YY1: variants seen among roughly 807,000 people sequenced by gnomAD.
YY1 encodes the protein transcriptional repressor protein YY1.
YY1 carries 2 observed loss-of-function variants against 35.6 expected under a neutral mutation model. That is an observed-to-expected ratio of 0.06 (90% CI 0.02 to 0.18). The LOEUF (loss-of-function observed/expected upper bound fraction) is 0.18, where lower values mean the gene tolerates loss of function less well. YY1 is among the 10% of genes least tolerant of loss of function. The pLI, the probability that YY1 is intolerant of heterozygous loss-of-function variation, is 1.00. For missense variants in YY1, 322 were observed against 573.4 expected, an observed-to-expected ratio of 0.56 and a Z score of 4.48; for synonymous variants, 268 against 238.9, an observed-to-expected ratio of 1.12 and a Z score of -1.12.
rs1311509617 is a variant in YY1, at chr14:100,281,372, C to T, written c.*3772C>T. On this transcript the variant is annotated 3_prime_UTR_variant, in exon 5 of 5. Transcript: ENST00000262238. ...GCCATGCCATGAGGCTTCCTCCCAG[C>T]TGCTCTGCTGGCTTGCTGAAGCCAG... The T allele has an allele frequency of 6.6e-6, 1 of 152,292 alleles. No individual in the cohort carries two copies. The highest frequency in any genetic ancestry group is 6.5e-5 in the Admixed American group (1 of 15,276). 9.4% of individuals were successfully genotyped at this position (152,292 alleles called of 1,614,324 possible). A position where few individuals can be genotyped will look rare whatever the true frequency, so the allele number is the denominator to read the frequency against.
Position 100,277,620 on chromosome 14 carries a change from TC to T in YY1, c.*21del. 1 of 1,612,984 alleles carries T rather than the reference TC, an allele frequency of 6.2e-7. No homozygotes were observed. The highest frequency in any genetic ancestry group is 8.5e-7 in the Non-Finnish European group (1 of 1,179,092). ...CAGTGAAAAGAAGAGAGAAGACCCT[TC>T]TCGACCACGGGAAGCATCTTCCAGA... On this transcript the variant is annotated 3_prime_UTR_variant, in exon 5 of 5. Transcript: ENST00000262238. This position sits in a 1 kb window ranked among gnomAD's most constrained non-coding sequence, Gnocchi z 5.6.
intron 2 of YY1, among the ~76,000 whole-genome samples, chr14:100,263,329 G>A (rs1891110416): frequency 6.6e-6 from 1 of 152,192 alleles, no homozygotes; most frequent in Non-Finnish European, 1.5e-5. Flanking sequence ...TGTTTGTCTT[G>A]TCATCAGTTA....
intron 2 of YY1, among the ~76,000 whole-genome samples, chr14:100,274,043 C>CACCA (rs1003787729): frequency 1.4e-4 from 22 of 152,266 alleles, no homozygotes; most frequent in African/African-American, 3.9e-4. Flanking sequence ...CCCATCTGTC[C>CACCA]ACCAGGCCCT....
At chr14:100,252,132 G>A (rs771826340) in intron 1 of YY1, among the ~76,000 whole-genome samples, 1 of 152,170 alleles carries the variant, frequency 6.6e-6, no homozygotes, top group Admixed American at 6.5e-5. Context: ...TGCTTGGAGC[G>A]TGGAGGGCAG....
intron 2 of YY1, among the ~76,000 whole-genome samples, chr14:100,266,544 A>C (rs61992947): frequency 0.034 from 5,136 of 152,236 alleles, 135 homozygotes; most frequent in Non-Finnish European, 0.051. Context: ...CAGAAAATCC[A>C]GGGACACATG....
intron 1 of YY1, among the ~76,000 whole-genome samples, chr14:100,247,382 T>C (rs997481158): frequency 6.6e-6 from 1 of 151,732 alleles, no homozygotes. Flanking sequence ...TTTCTTTTTT[T>C]CTTTTTTTTT....
At chr14:100,254,940 A>ATTTTTTTTTTT (rs35165026) in intron 1 of YY1, among the ~76,000 whole-genome samples, 9 of 29,588 alleles carry the variant, frequency 3.0e-4, no homozygotes, top group African/African-American at 7.3e-4. Flanking sequence ...CGCCCAGCTA[A>ATTTTTTTTTTT]TTTTTTTTTT....
chr14:100,253,961 C>CT (rs1205872892), intron 1 of YY1, among the ~76,000 whole-genome samples: 2 of 151,992 alleles, frequency 1.3e-5, no homozygotes. Flanking sequence ...TTCCCAGTAG[C>CT]TGAGATTACA....
chr14:100,274,892 C>A lies in YY1; in HGVS notation c.903+134C>A. ...GAATTAGAATCTTCGGTTTCTAAAT[C>A]CAAGAGATGAAGTTTTGTTATTTAG... On this transcript the variant is annotated intron_variant, in intron 3 of 4. Transcript: ENST00000262238. 5.4e-6 allele frequency: 5 copies of A among 932,584 alleles called. No individual in the cohort carries two copies. The Admixed American group carries it at 9.3e-5, about 17-fold the overall frequency. The allele number at this position is 932,584 out of a possible 1,614,324, so 57.8% of individuals were successfully genotyped here. A position where few individuals can be genotyped will look rare whatever the true frequency, so the allele number is the denominator to read the frequency against.
chr14:100,274,413 G>C (rs1891290589), intron 2 of YY1, among the ~76,000 whole-genome samples: 1 of 152,128 alleles, frequency 6.6e-6, no homozygotes, highest in Admixed American at 6.5e-5. Flanking sequence ...GAATCACACA[G>C]ATCATAGTGC....
At chr14:100,240,556 G>C (rs1890721288) in intron 1 of YY1, among the ~76,000 whole-genome samples, 1 of 148,616 alleles carries the variant, frequency 6.7e-6, no homozygotes, top group African/African-American at 2.5e-5. Flanking sequence ...CTTGCTCCCC[G>C]CCCACCCAGC....
At position 100,277,621 on chromosome 14, in the gene YY1, C is replaced by G. The variant is rs367828506; in HGVS notation, c.*21C>G. Reference sequence around the variant, plus strand: ...AGTGAAAAGAAGAGAGAAGACCCTTCTCGACCACGGGAAGCATCTTCCAGA... The same window carrying G: ...AGTGAAAAGAAGAGAGAAGACCCTTGTCGACCACGGGAAGCATCTTCCAGA... On this transcript the variant is annotated 3_prime_UTR_variant, in exon 5 of 5. Transcript: ENST00000262238. This position sits in a 1 kb window ranked among gnomAD's most constrained non-coding sequence, Gnocchi z 5.6. 6.2e-7 allele frequency: 1 copy of G among 1,612,712 alleles called. No homozygotes were observed. The highest frequency in any genetic ancestry group is 2.2e-5 in the East Asian group (1 of 44,868).
At chr14:100,249,757 T>TTTTG (rs1310465281) in intron 1 of YY1, among the ~76,000 whole-genome samples, 5 of 90,096 alleles carry the variant, frequency 5.5e-5, no homozygotes, top group African/African-American at 2.5e-4. Flanking sequence ...CGTTTTTTTT[T>TTTTG]TTGTTTGTTT....
chr14:100,249,770 G>GTTT (rs1890897085), intron 1 of YY1, among the ~76,000 whole-genome samples: 5 of 131,348 alleles, frequency 3.8e-5, no homozygotes, highest in African/African-American at 1.5e-4. Flanking sequence ...GTTTGTTTTT[G>GTTT]TTTTTGTTTT....
intron 1 of YY1, among the ~76,000 whole-genome samples, chr14:100,244,320 C>CTTTTTTTTT (rs869125410): frequency 1.7e-4 from 15 of 89,692 alleles, no homozygotes; most frequent in African/African-American, 6.0e-4. Flanking sequence ...TCCTTTTTTA[C>CTTTTTTTTT]TTTTTTTTTT....
intron 1 of YY1, among the ~76,000 whole-genome samples, chr14:100,255,730 C>T (rs1029079965): frequency 3.3e-5 from 5 of 152,194 alleles, no homozygotes; most frequent in African/African-American, 1.2e-4. Context: ...CATGCAGCCT[C>T]TCTTGTCTGT....
chr14:100,275,473 A>G (rs1023025443), intron 3 of YY1, among the ~76,000 whole-genome samples: 7 of 152,292 alleles, frequency 4.6e-5, no homozygotes, highest in African/African-American at 1.7e-4. Flanking sequence ...TGAAATGTAA[A>G]CGTATCTCCA....
At position 100,260,169 on chromosome 14, in the gene YY1, C is replaced by T. The variant is rs577738448; in HGVS notation, c.680-2135C>T. Among the ~76,000 whole-genome samples the T allele has an allele frequency of 1.5e-3, 234 of 152,076 alleles. 1 individual carries two copies. Among genetic ancestry groups the T allele is most frequent in the African/African-American group, 5.4e-3 (225 of 41,500 alleles). ...TCGGCTCACTGCAACCTCCACTTCC[C>T]GGGTTTAAGCAATTCTCTTGCCGCA... On this transcript the variant is annotated intron_variant, in intron 1 of 4. Coordinates refer to ENST00000262238, the MANE Select transcript of YY1 (RefSeq NM_003403.5).
intron 1 of YY1, among the ~76,000 whole-genome samples, chr14:100,255,727 C>G (rs1277536244): frequency 6.6e-6 from 1 of 152,176 alleles, no homozygotes; most frequent in East Asian, 1.9e-4. Context: ...GACCATGCAG[C>G]CTCTCTTGTC....
Sources: allele counts gnomAD v4.1 joint callset (sites outside exome capture counted in the v4.1 genomes callset), GRCh38; gene constraint gnomAD v4.1.1; non-coding constraint Gnocchi (gnomAD v3.1); transcripts MANE v1.5; gene names NCBI Gene and HGNC (gene_info 2026-07-23, HGNC 2026-07-21).